Variants in SPTLC2 observed in about 807,000 individuals in gnomAD.
SPTLC2 encodes serine palmitoyltransferase 2.
A neutral mutation model predicts 62.0 loss-of-function variants in SPTLC2; 21 were observed. The ratio of observed to expected loss-of-function variants is 0.34; its 90% CI spans 0.24 to 0.49. SPTLC2 has a LOEUF of 0.49. SPTLC2 is among the 20% of genes least tolerant of loss of function. The pLI, the probability that SPTLC2 is intolerant of heterozygous loss-of-function variation, is 0.99. For missense variants in SPTLC2, 511 were observed against 713.0 expected (o/e 0.72, Z 3.23); for synonymous variants, 261 against 261.8 (o/e 1.00, Z 0.03).
chr14:77,559,150 T>C, intron 6 of SPTLC2, among the ~76,000 whole-genome samples: 1 of 151,928 alleles, frequency 6.6e-6, no homozygotes, highest in Admixed American at 6.6e-5. Flanking sequence ...CAAAACCCTG[T>C]CTCTACTAAA....
intron 6 of SPTLC2, among the ~76,000 whole-genome samples, chr14:77,558,405 A>C (rs1042188364): frequency 6.6e-6 from 1 of 152,204 alleles, no homozygotes; most frequent in African/African-American, 2.4e-5. Context: ...GAGTTATAAA[A>C]GTACATGATT....
chr14:77,529,809 G>C (rs915367523), intron 9 of SPTLC2, among the ~76,000 whole-genome samples: 2 of 151,606 alleles, frequency 1.3e-5, no homozygotes, highest in African/African-American at 4.8e-5. Flanking sequence ...TTTCAGTAGA[G>C]ATGGGACTTC....
intron 9 of SPTLC2, among the ~76,000 whole-genome samples, chr14:77,522,447 G>A (rs2079389316): frequency 1.3e-5 from 2 of 152,214 alleles, no homozygotes; most frequent in Non-Finnish European, 2.9e-5. Context: ...ACAGACATGA[G>A]CCACCGCGCC....
At chr14:77,546,590 T>C (rs1417573550) in intron 9 of SPTLC2, among the ~76,000 whole-genome samples, 1 of 152,160 alleles carries the variant, frequency 6.6e-6, no homozygotes, top group Non-Finnish European at 1.5e-5. Context: ...AGACTAGTTC[T>C]TCCCGGGAAT....
chr14:77,588,996 C>CAAAAAAAA (rs60536883), intron 2 of SPTLC2, among the ~76,000 whole-genome samples: 12 of 74,612 alleles, frequency 1.6e-4, no homozygotes, highest in Non-Finnish European at 2.2e-4. Flanking sequence ...GACCTTGTCT[C>CAAAAAAAA]AAAAAAAAAA....
At position 77,557,512 on chromosome 14, in the gene SPTLC2, C is replaced by T. The variant is rs558891261; in HGVS notation, c.851-366G>A. On this transcript the variant is annotated intron_variant, in intron 6 of 11. Transcript: ENST00000216484. Reference sequence around the variant, plus strand: ...GTATCTCTAATCCCAGTGAGTCATTCGGAAATAAATGCGTAAAAAAGACAG... The same window carrying T: ...GTATCTCTAATCCCAGTGAGTCATTTGGAAATAAATGCGTAAAAAAGACAG... 5.3e-5 allele frequency among the ~76,000 whole-genome samples: 8 copies of T among 152,126 alleles called. No individual in the cohort carries two copies. In the South Asian group the frequency reaches 6.2e-4, roughly 12 times the overall value.
intron 9 of SPTLC2, among the ~76,000 whole-genome samples, chr14:77,539,441 T>C (rs971873352): frequency 6.6e-6 from 1 of 150,558 alleles, no homozygotes; most frequent in Non-Finnish European, 1.5e-5. Flanking sequence ...AACTGTTGTT[T>C]ATTCTGAGAA....
chr14:77,518,803 T>C (rs909234025), intron 10 of SPTLC2, among the ~76,000 whole-genome samples: 1 of 152,194 alleles, frequency 6.6e-6, no homozygotes, highest in African/African-American at 2.4e-5. Flanking sequence ...GCATGAGCTC[T>C]CCAGATCACA....
chr14:77,603,308 A>C (rs2079887897), intron 1 of SPTLC2, among the ~76,000 whole-genome samples: 1 of 152,252 alleles, frequency 6.6e-6, no homozygotes, highest in South Asian at 2.1e-4. Context: ...ATTATTCTTC[A>C]GCAATCAAAG....
chr14:77,552,353 C>T, intron 8 of SPTLC2, 131 bp from the exon 9 acceptor site: 1 of 1,088,152 alleles, frequency 9.2e-7, no homozygotes, highest in Non-Finnish European at 1.4e-6. Flanking sequence ...ATCTGAGATA[C>T]AAGGTCAACC....
At chr14:77,573,388 A>AATACCTTGACTTGATTCTATACAC (rs1199140604) in intron 4 of SPTLC2, among the ~76,000 whole-genome samples, 4 of 152,136 alleles carry the variant, frequency 2.6e-5, no homozygotes, top group African/African-American at 7.2e-5. Flanking sequence ...GAGTACCCTA[A>AATACCTTGACTTGATTCTATACAC]ATACCTTGAC....
chr14:77,589,470 T>G (rs2079802920), intron 2 of SPTLC2, among the ~76,000 whole-genome samples: 1 of 139,102 alleles, frequency 7.2e-6, no homozygotes, highest in Non-Finnish European at 1.5e-5. Flanking sequence ...ACAATACCAT[T>G]CATATCTTAA....
At chr14:77,549,131 GC>G (rs2079543447) in intron 9 of SPTLC2, among the ~76,000 whole-genome samples, 1 of 151,782 alleles carries the variant, frequency 6.6e-6, no homozygotes, top group African/African-American at 2.4e-5. Flanking sequence ...TGAATGGCTT[GC>G]TGCCATCCTT....
At chr14:77,525,279 T>C (rs570521837) in intron 9 of SPTLC2, among the ~76,000 whole-genome samples, 7 of 151,258 alleles carry the variant, frequency 4.6e-5, no homozygotes, top group African/African-American at 7.3e-5. Flanking sequence ...CTGGGTAACA[T>C]AGTGTGAGAC....
At chr14:77,591,690 TTCTGTATGTATG>T (rs1335326726) in intron 2 of SPTLC2, among the ~76,000 whole-genome samples, 27 of 89,656 alleles carry the variant, frequency 3.0e-4, no homozygotes, top group Non-Finnish European at 5.9e-4. Context: ...AGTAGTGCTC[TTCTGTATGTATG>T]TATGTATGTA....
chr14:77,581,405 C>CTTTTTTTT lies in SPTLC2; in HGVS notation c.328-2304_328-2297dup, dbSNP rs1159561282. 7.4e-4 allele frequency among the ~76,000 whole-genome samples: 70 copies of CTTTTTTTT among 94,022 alleles called. 3 individuals are homozygous for CTTTTTTTT. Among genetic ancestry groups the CTTTTTTTT allele is most frequent in the Non-Finnish European group, 1.0e-3 (51 of 49,886 alleles). 61.7% of individuals were successfully genotyped at this position (94,022 alleles called of 152,430 possible). ...ATTTGCAGTACCTGATACCATCTCT[C>CTTTTTTTT]TTTTTTTTTTTTTTTTTTTTTTGAG... is the stretch of plus-strand genomic sequence containing the variant. On this transcript the variant is annotated intron_variant, in intron 2 of 11. Coordinates refer to ENST00000216484, the MANE Select transcript of SPTLC2 (RefSeq NM_004863.4).
intron 2 of SPTLC2, among the ~76,000 whole-genome samples, chr14:77,584,771 T>C (rs752476156): frequency 1.3e-5 from 2 of 151,916 alleles, no homozygotes; most frequent in Admixed American, 6.6e-5. Context: ...AACACACACA[T>C]AACAAACCCC....
intron 2 of SPTLC2, 42 bp from the exon 3 acceptor site, chr14:77,579,151 C>A: frequency 6.2e-7 from 1 of 1,606,416 alleles, no homozygotes; most frequent in South Asian, 1.1e-5. Context: ...AACTGAGTTA[C>A]TTTATTAAAA....
intron 5 of SPTLC2, among the ~76,000 whole-genome samples, chr14:77,564,323 A>T (rs1383125165): frequency 6.7e-6 from 1 of 150,270 alleles, no homozygotes; most frequent in Non-Finnish European, 1.5e-5. Context: ...GAAGGAGAAG[A>T]AGGAGAATAA....
Sources: gnomAD v4.1 joint callset for allele counts (sites outside exome capture counted in the v4.1 genomes callset) on GRCh38, gnomAD v4.1.1 for gene constraint, MANE v1.5 for transcripts, NCBI Gene and HGNC (gene_info 2026-07-23, HGNC 2026-07-21) for gene names.